Variants in LARS2 observed in about 807,000 individuals in gnomAD.
LARS2 encodes leucyl-tRNA synthetase 2, mitochondrial, also known as leucine--tRNA ligase, mitochondrial.
In LARS2, 81 loss-of-function variants were observed where a neutral mutation model predicts 116.6. The observed-to-expected ratio is 0.69, with a 90% CI of 0.58 to 0.84. LARS2 has a LOEUF of 0.84. Ranked by LOEUF, LARS2 falls within the 40% of genes least tolerant of loss-of-function variation. The pLI, the probability that LARS2 is intolerant of heterozygous loss-of-function variation, is 0.00. For synonymous variants in LARS2, 396 were observed against 407.2 expected (o/e 0.97, Z 0.33); for missense variants, 968 against 1,114.5 (o/e 0.87, Z 1.87).
intron 19 of LARS2, 26 bp downstream of exon 19, chr3:45,520,322 G>C (rs760498102): frequency 1.3e-6 from 2 of 1,577,848 alleles, no homozygotes; most frequent in African/African-American, 2.7e-5. Context: ...TCATTTGCTG[G>C]TAGCAGAGGA....
chr3:45,522,821 G>T (rs1055217745), intron 19 of LARS2, among the ~76,000 whole-genome samples: 9 of 152,022 alleles, frequency 5.9e-5, no homozygotes, highest in Non-Finnish European at 1.3e-4. Context: ...GGAGGCCAGG[G>T]CAGGCAGATG....
intron 20 of LARS2, among the ~76,000 whole-genome samples, chr3:45,532,162 A>T (rs1700625325): frequency 6.6e-6 from 1 of 152,248 alleles, no homozygotes; most frequent in South Asian, 2.1e-4. Context: ...ACAGGCAGTC[A>T]GGTCTTATTT....
chr3:45,503,630 C>G (rs1441319927), intron 15 of LARS2, among the ~76,000 whole-genome samples: 1 of 151,700 alleles, frequency 6.6e-6, no homozygotes, highest in Admixed American at 6.6e-5. Flanking sequence ...AATTCAGGCT[C>G]TCTTGTCTGC....
chr3:45,434,563 G>A (rs1036708731), intron 6 of LARS2, among the ~76,000 whole-genome samples: 1 of 152,182 alleles, frequency 6.6e-6, no homozygotes, highest in African/African-American at 2.4e-5. Flanking sequence ...TGACATTTGG[G>A]TCATCATGGT....
At chr3:45,519,894 C>T in intron 18 of LARS2, 1 of 211,930 alleles carries the variant, frequency 4.7e-6, no homozygotes, top group Non-Finnish European at 9.5e-6. Context: ...GTAATCCACC[C>T]ACCTCGGCCT....
chr3:45,463,375 A>C (rs993179423), intron 8 of LARS2, among the ~76,000 whole-genome samples: 2 of 152,206 alleles, frequency 1.3e-5, no homozygotes, highest in African/African-American at 4.8e-5. Flanking sequence ...GTCAACCCCC[A>C]TACCAAATTG....
chr3:45,428,535 G>T (rs1421227748), intron 6 of LARS2, among the ~76,000 whole-genome samples: 2 of 152,016 alleles, frequency 1.3e-5, no homozygotes, highest in Non-Finnish European at 2.9e-5. Flanking sequence ...GTGAGCCACC[G>T]CGCCCAGCCT....
At chr3:45,517,498 A>G (rs1180418085) in intron 17 of LARS2, among the ~76,000 whole-genome samples, 1 of 152,230 alleles carries the variant, frequency 6.6e-6, no homozygotes, top group African/African-American at 2.4e-5. Flanking sequence ...CATGCTATCC[A>G]CAAGGTAAGA....
rs759696523 is a variant in LARS2 at position 45,549,060 on chromosome 3, G to C, written c.*1530G>C. The C allele has an allele frequency of 6.6e-6, 1 of 152,220 alleles. No homozygotes were observed. Among genetic ancestry groups the C allele is most frequent in the Non-Finnish European group, 1.5e-5 (1 of 68,050 alleles). The allele number at this position is 152,220 out of a possible 1,614,324, so 9.4% of individuals were successfully genotyped here. On this transcript the variant is annotated 3_prime_UTR_variant, in exon 22 of 22. Coordinates refer to ENST00000645846, the MANE Select transcript of LARS2 (RefSeq NM_015340.4). ...AACTAGCAACAGCAATTAAGTCACT[G>C]GTTCTCAGACTTAATACTCTGCCTG...
intron 20 of LARS2, among the ~76,000 whole-genome samples, chr3:45,529,380 G>C (rs1446829432): frequency 2.0e-5 from 3 of 151,710 alleles, no homozygotes; most frequent in Non-Finnish European, 2.9e-5. Context: ...CAGCCGTCAG[G>C]CTCTACTAAA....
intron 20 of LARS2, among the ~76,000 whole-genome samples, chr3:45,527,552 A>G (rs1045126309): frequency 1.9e-4 from 28 of 150,322 alleles, no homozygotes; most frequent in African/African-American, 6.9e-4. Context: ...TGAACCCAGG[A>G]GGTGGAGCTT....
intron 10 of LARS2, among the ~76,000 whole-genome samples, chr3:45,484,630 A>AAAAAATATATATATATATATATATAT (rs1553634443): frequency 3.1e-4 from 3 of 9,734 alleles, no homozygotes; most frequent in African/African-American, 3.6e-4. Context: ...AAAAAAAAAA[A>AAAAAATATATATATATATATATATAT]ATATATATAT....
chr3:45,421,754 A>G (rs1414286052), intron 6 of LARS2: 1 of 152,270 alleles, frequency 6.6e-6, no homozygotes, highest in Non-Finnish European at 1.5e-5. Context: ...TAAATTGAAA[A>G]TATTGTAGGC....
At chr3:45,437,775 C>T (rs1236615019) in intron 6 of LARS2, among the ~76,000 whole-genome samples, 1 of 152,172 alleles carries the variant, frequency 6.6e-6, no homozygotes, top group African/African-American at 2.4e-5. Context: ...TGGTGACTTA[C>T]TCATTCAACA....
chr3:45,400,397 C>A, intron 4 of LARS2, 24 bp downstream of exon 4: 1 of 1,575,506 alleles, frequency 6.3e-7, no homozygotes, highest in Admixed American at 1.9e-5. Context: ...CCTGCTGGAG[C>A]AGCCCTTGTC....
intron 10 of LARS2, 103 bp downstream of exon 10, chr3:45,476,730 G>A: frequency 8.5e-7 from 1 of 1,175,848 alleles, no homozygotes; most frequent in Non-Finnish European, 1.2e-6. Flanking sequence ...TCTTGCGTGG[G>A]TTGTTCTTTG....
chr3:45,523,531 C>CT lies in LARS2; in HGVS notation c.2293-452dup, dbSNP rs749617499. 6.7e-3 allele frequency among the ~76,000 whole-genome samples: 937 copies of CT among 140,198 alleles called. 6 individuals are homozygous for CT. Among genetic ancestry groups the CT allele is most frequent in the African/African-American group, 0.02 (762 of 38,272 alleles). The allele number at this position is 140,198 out of a possible 152,430, so 92.0% of individuals were successfully genotyped here. On this transcript the variant is annotated intron_variant, in intron 19 of 21. Transcript: ENST00000645846. ...GTATTTGTTGTTGCTGCTGCTGGAG[C>CT]TTTTTTTTTTTTTTAAAGATAGGGT...
chr3:45,525,211 CA>C (rs757549715), intron 20 of LARS2, among the ~76,000 whole-genome samples: 1 of 152,144 alleles, frequency 6.6e-6, no homozygotes, highest in Non-Finnish European at 1.5e-5. Context: ...GTGTCTCTGT[CA>C]AAAGGAAGTG....
chr3:45,401,192 G>C (rs953524616), intron 4 of LARS2, among the ~76,000 whole-genome samples: 1 of 152,098 alleles, frequency 6.6e-6, no homozygotes, highest in African/African-American at 2.4e-5. Flanking sequence ...GGGGAGTTGG[G>C]GAAAGTGCCA....
Sources: gnomAD v4.1 joint callset for allele counts (sites outside exome capture counted in the v4.1 genomes callset) on GRCh38, gnomAD v4.1.1 for gene constraint, MANE v1.5 for transcripts, NCBI Gene and HGNC (gene_info 2026-07-23, HGNC 2026-07-21) for gene names.